The following ZNF804B variants were observed in gnomAD, a reference collection of about 807,000 sequenced individuals.
ZNF804B encodes the protein zinc finger protein 804B.
A neutral mutation model predicts 101.4 loss-of-function variants in ZNF804B; 80 were observed. The ratio of observed to expected loss-of-function variants is 0.79; its 90% CI spans 0.66 to 0.95. The LOEUF (loss-of-function observed/expected upper bound fraction) is 0.95. ZNF804B is among the 40% of genes least tolerant of loss of function. ZNF804B has a pLI of 0.00. For missense variants in ZNF804B, 1,673 were observed against 1,561.9 expected (o/e 1.07, Z -1.20); for synonymous variants, 622 against 558.8 (o/e 1.11, Z -1.59).
At chr7:88,834,533 A>T (rs2115790661) in intron 1 of ZNF804B, among the ~76,000 whole-genome samples, 1 of 151,868 alleles carries the variant, frequency 6.6e-6, no homozygotes, top group East Asian at 1.9e-4. Flanking sequence ...GTTCTTGAAG[A>T]AACTTATGAA....
At chr7:89,253,020 T>G (rs576636211) in intron 2 of ZNF804B, among the ~76,000 whole-genome samples, 2 of 152,042 alleles carry the variant, frequency 1.3e-5, no homozygotes, top group South Asian at 2.1e-4. Flanking sequence ...ATATCTAAGA[T>G]GAAAGTTGAC....
intron 2 of ZNF804B, among the ~76,000 whole-genome samples, chr7:89,293,525 C>G (rs909839123): frequency 9.2e-5 from 14 of 152,118 alleles, no homozygotes; most frequent in African/African-American, 2.9e-4. Context: ...TGTCTCACAC[C>G]TGTAATCCCA....
chr7:89,270,982 T>C (rs1291692876), intron 2 of ZNF804B, among the ~76,000 whole-genome samples: 1 of 152,232 alleles, frequency 6.6e-6, no homozygotes, highest in Admixed American at 6.5e-5. Flanking sequence ...ACAATGGGGT[T>C]TTCTAGATAT....
chr7:88,914,045 T>G (rs1185966861), intron 1 of ZNF804B, among the ~76,000 whole-genome samples: 1 of 152,180 alleles, frequency 6.6e-6, no homozygotes, highest in Non-Finnish European at 1.5e-5. Flanking sequence ...GAGAAAGTCC[T>G]TCTGCCTCCT....
At chr7:88,994,720 G>A (rs2116160070) in intron 1 of ZNF804B, among the ~76,000 whole-genome samples, 1 of 152,096 alleles carries the variant, frequency 6.6e-6, no homozygotes, top group Middle Eastern at 3.4e-3. Flanking sequence ...TCATAGATTT[G>A]ATGCTACAGT....
chr7:88,926,828 T>C (rs770357230), intron 1 of ZNF804B, among the ~76,000 whole-genome samples: 9 of 151,824 alleles, frequency 5.9e-5, no homozygotes, highest in Non-Finnish European at 1.2e-4. Context: ...TTACAGCCAA[T>C]GTAAGATAAC....
intron 1 of ZNF804B, among the ~76,000 whole-genome samples, chr7:89,151,174 A>G (rs1790869628): frequency 6.6e-6 from 1 of 152,076 alleles, no homozygotes; most frequent in African/African-American, 2.4e-5. Context: ...TCCAACCATC[A>G]CTAAATCTGA....
At chr7:88,875,161 T>C (rs1195189774) in intron 1 of ZNF804B, among the ~76,000 whole-genome samples, 4 of 140,416 alleles carry the variant, frequency 2.8e-5, no homozygotes, top group African/African-American at 8.5e-5. Context: ...TTCAAAGCAG[T>C]GTGTAGAGGG....
chr7:89,010,144 T>A (rs1184230689), intron 1 of ZNF804B, among the ~76,000 whole-genome samples: 1 of 152,144 alleles, frequency 6.6e-6, no homozygotes, highest in East Asian at 1.9e-4. Flanking sequence ...AATTACTGAA[T>A]AATAAAAGAT....
chr7:89,250,064 T>A (rs569870713), intron 2 of ZNF804B, among the ~76,000 whole-genome samples: 87 of 152,146 alleles, frequency 5.7e-4, no homozygotes, highest in African/African-American at 2.0e-3. Context: ...GGCGGGTGCC[T>A]GTAATCCCAG....
At chr7:89,103,087 A>T (rs1421050390) in intron 1 of ZNF804B, among the ~76,000 whole-genome samples, 1 of 80,360 alleles carries the variant, frequency 1.2e-5, no homozygotes, top group East Asian at 3.8e-4. Flanking sequence ...TTTTTTTACC[A>T]ATACTGTGGT....
Position 89,171,438 on chromosome 7 carries a change from CCTTCTT to C in ZNF804B, c.109-46706_109-46701del, listed in dbSNP as rs200392935. ...TTCTTCTCCTTCTCCTTCTCCTTCT[CCTTCTT>C]CTTCTTCTTCGACAGAGTCTTCCTC... On this transcript the variant is annotated intron_variant, in intron 1 of 3. Transcript: ENST00000333190. Among the ~76,000 whole-genome samples, 312 of 140,790 alleles carry C rather than the reference CCTTCTT, an allele frequency of 2.2e-3. 4 individuals are homozygous for C. Among genetic ancestry groups the C allele is most frequent in the African/African-American group, 7.8e-3 (290 of 37,222 alleles). 92.4% of individuals were successfully genotyped at this position (140,790 alleles called of 152,430 possible).
intron 1 of ZNF804B, among the ~76,000 whole-genome samples, chr7:88,849,571 C>T (rs1728205869): frequency 6.6e-6 from 1 of 151,582 alleles, no homozygotes; most frequent in South Asian, 2.1e-4. Flanking sequence ...ATGATTTTGG[C>T]TCACTGCAAC....
At chr7:89,006,691 G>T (rs919255208) in intron 1 of ZNF804B, among the ~76,000 whole-genome samples, 3 of 152,088 alleles carry the variant, frequency 2.0e-5, no homozygotes, top group African/African-American at 4.8e-5. Context: ...GTAAGACATA[G>T]TTCTAATAAA....
intron 1 of ZNF804B, among the ~76,000 whole-genome samples, chr7:89,182,673 A>G (rs1227520594): frequency 6.6e-6 from 1 of 152,174 alleles, no homozygotes; most frequent in East Asian, 1.9e-4. Flanking sequence ...AGTAGGTAGT[A>G]TAGAGCTGTG....
chr7:88,975,087 A>G (rs1469083445), intron 1 of ZNF804B, among the ~76,000 whole-genome samples: 2 of 151,382 alleles, frequency 1.3e-5, no homozygotes, highest in Non-Finnish European at 3.0e-5. Context: ...AGTTCTATCC[A>G]TTTCGTTGCA....
intron 1 of ZNF804B, among the ~76,000 whole-genome samples, chr7:89,095,612 A>G (rs554870455): frequency 6.6e-6 from 1 of 152,302 alleles, no homozygotes; most frequent in South Asian, 2.1e-4. Flanking sequence ...TTGTGAAGGT[A>G]TACATATATG....
chr7:89,050,906 G>A (rs556485574), intron 1 of ZNF804B, among the ~76,000 whole-genome samples: 3 of 151,980 alleles, frequency 2.0e-5, no homozygotes, highest in Admixed American at 6.6e-5. Context: ...CAAACAAATG[G>A]ATATAACTCA....
intron 1 of ZNF804B, among the ~76,000 whole-genome samples, chr7:89,165,519 T>C (rs1779065571): frequency 6.6e-6 from 1 of 152,080 alleles, no homozygotes; most frequent in Non-Finnish European, 1.5e-5. Context: ...AATGTATATA[T>C]GAATAATTTT....
Sources: allele counts gnomAD v4.1 joint callset (sites outside exome capture counted in the v4.1 genomes callset), GRCh38; gene constraint gnomAD v4.1.1; transcripts MANE v1.5; gene names NCBI Gene and HGNC (gene_info 2026-07-23, HGNC 2026-07-21).